Variants in ADARB1 observed in about 807,000 individuals in gnomAD.
ADARB1 encodes the protein double-stranded RNA-specific editase 1.
In ADARB1, 10 loss-of-function variants were observed where a neutral mutation model predicts 52.4. That is an observed-to-expected ratio of 0.19 (90% confidence interval 0.12 to 0.32). ADARB1 has a LOEUF of 0.32. Among genes scored for constraint, ADARB1 ranks in the 10% least tolerant of loss-of-function variants. The pLI, the probability that ADARB1 is intolerant of heterozygous loss-of-function variation, is 1.00. For missense variants in ADARB1, 643 were observed against 922.3 expected (o/e 0.70, Z 3.92); for synonymous variants, 349 against 371.1 (o/e 0.94, Z 0.68).
intron 7 of ADARB1, chr21:45,184,558 CT>C: frequency 2.8e-6 from 1 of 363,634 alleles, no homozygotes. Flanking sequence ...TTAAGCGATC[CT>C]TCCACCTCAA....
At chr21:45,133,900 G>A (rs1406957854) in intron 2 of ADARB1, among the ~76,000 whole-genome samples, 4 of 111,186 alleles carry the variant, frequency 3.6e-5, no homozygotes, top group South Asian at 3.2e-4. Flanking sequence ...TGCGCCCGAC[G>A]GGGGTGTGTG....
At chr21:45,182,940 A>C (rs571847281) in intron 6 of ADARB1, among the ~76,000 whole-genome samples, 187 bp downstream of exon 6, 3 of 152,252 alleles carry the variant, frequency 2.0e-5, no homozygotes, top group Non-Finnish European at 4.4e-5. Context: ...GCACACATAC[A>C]TACAATAACA....
At chr21:45,158,748 A>G (rs916848282) in intron 2 of ADARB1, among the ~76,000 whole-genome samples, 1 of 152,174 alleles carries the variant, frequency 6.6e-6, no homozygotes, top group African/African-American at 2.4e-5. Flanking sequence ...GGCCAACTGC[A>G]CAGGCTGTCT....
At chr21:45,124,775 GTGTGTGTGTGTA>G (rs1375314198) in intron 1 of ADARB1, among the ~76,000 whole-genome samples, 10 of 127,454 alleles carry the variant, frequency 7.8e-5, no homozygotes, top group East Asian at 2.1e-4. Flanking sequence ...TGGTGTGTGT[GTGTGTGTGTGTA>G]TGTGTGTGTG....
At chr21:45,153,583 C>T (rs577380924) in intron 2 of ADARB1, among the ~76,000 whole-genome samples, 30 of 152,264 alleles carry the variant, frequency 2.0e-4, no homozygotes, top group African/African-American at 6.3e-4. Flanking sequence ...AAATTAACCT[C>T]GGTTTTTTGG....
At chr21:45,079,782 G>A (rs1227443695) in intron 1 of ADARB1, among the ~76,000 whole-genome samples, 3 of 152,204 alleles carry the variant, frequency 2.0e-5, no homozygotes, top group Non-Finnish European at 4.4e-5. Context: ...AGAGAAAGGT[G>A]AATATGGATG....
At chr21:45,118,806 C>T (rs979168326) in intron 1 of ADARB1, among the ~76,000 whole-genome samples, 5 of 152,176 alleles carry the variant, frequency 3.3e-5, no homozygotes, top group Non-Finnish European at 4.4e-5. Flanking sequence ...GGAATAAAAG[C>T]GTTCCCTATG....
chr21:45,095,251 C>CCCA (rs1317277138), intron 1 of ADARB1, among the ~76,000 whole-genome samples: 1 of 152,212 alleles, frequency 6.6e-6, no homozygotes, highest in African/African-American at 2.4e-5. Context: ...CCTACCTGCC[C>CCCA]CCAGCCCAGG....
rs1006561111 is a variant in ADARB1 at position 45,222,728 on chromosome 21, G to A, written c.*531G>A. On this transcript the variant is annotated 3_prime_UTR_variant, in exon 11 of 11. Coordinates refer to ENST00000348831, the MANE Select transcript of ADARB1 (RefSeq NM_001112.4). ...AGTAGCCTAAAGGAAATCGCCACACGTCTGTCTAAACTTAGGTCTCTTTTC... is the reference window on the plus strand; with the variant it reads ...AGTAGCCTAAAGGAAATCGCCACACATCTGTCTAAACTTAGGTCTCTTTTC... 5.2e-5 allele frequency: 51 copies of A among 986,000 alleles called. No homozygotes were observed. The highest frequency in any genetic ancestry group is 5.8e-5 in the Non-Finnish European group (48 of 830,450). The allele number at this position is 986,000 out of a possible 1,614,324, so 61.1% of individuals were successfully genotyped here. A position where few individuals can be genotyped will look rare whatever the true frequency, so the allele number is the denominator to read the frequency against.
At chr21:45,182,779 A>T (rs764200537) in intron 6 of ADARB1, 26 bp downstream of exon 6, 50 of 1,536,418 alleles carry the variant, frequency 3.3e-5, no homozygotes, top group Non-Finnish European at 4.1e-5. Context: ...AAATAAGGAC[A>T]GGAAGCTCTT....
At chr21:45,097,421 A>G (rs903473286) in intron 1 of ADARB1, among the ~76,000 whole-genome samples, 10 of 151,796 alleles carry the variant, frequency 6.6e-5, no homozygotes, top group Non-Finnish European at 1.3e-4. Flanking sequence ...GGCGTTGGCC[A>G]TGGTAGAGAA....
At chr21:45,149,927 C>T (rs2090198381) in intron 2 of ADARB1, among the ~76,000 whole-genome samples, 1 of 152,202 alleles carries the variant, frequency 6.6e-6, no homozygotes, top group South Asian at 2.1e-4. Context: ...GTCTAAAGTA[C>T]TTACTCTTTG....
At position 45,182,753 on chromosome 21, in the gene ADARB1, A is replaced by G; in HGVS notation, c.1247A>G (p.Asn416Ser). The change falls in exon 6 of 11, where the codon AAT becomes AGT. Residue 416 changes from asparagine to serine, a missense_variant and splice_region_variant. By Grantham distance (46) the Asn-to-Ser change is conservative. Around this residue, in one of 2 missense-constraint regions of ADARB1, gnomAD observed 263 missense variants for 475.8 expected, o/e 0.55. Transcript: ENST00000348831. Reference sequence around the variant, plus strand: ...TATACACAACTTGAGCTTTACTTAAAGTAAGTTTAGTAAACAAATAAGGAC... The same window carrying G: ...TATACACAACTTGAGCTTTACTTAAGGTAAGTTTAGTAAACAAATAAGGAC... The part of the protein sequence containing the change: ...FLYTQLELYL[N>S]NKDDQKRSIF... The G allele has an allele frequency of 6.4e-7, 1 of 1,572,648 alleles. No homozygotes were observed. Among genetic ancestry groups the G allele is most frequent in the South Asian group, 1.2e-5 (1 of 84,950 alleles).
chr21:45,210,620 G>A (rs78081949), intron 9 of ADARB1, among the ~76,000 whole-genome samples: 4,907 of 152,300 alleles, frequency 0.032, 109 homozygotes, highest in Middle Eastern at 0.048. Context: ...CCTGTGGGCC[G>A]GGCCTGCCGT....
At position 45,193,985 on chromosome 21, in the gene ADARB1, A is replaced by G. The variant is rs531506325; in HGVS notation, c.1565+8894A>G. On this transcript the variant is annotated intron_variant, in intron 8 of 10. Transcript: ENST00000348831. ...GAGAAATTGACAAACTGATTCCAAA[A>G]TCCATATGGAAATGCAAAGGACATA... Among the ~76,000 whole-genome samples the G allele has an allele frequency of 2.6e-5, 4 of 152,356 alleles. No individual in the cohort carries two copies. The South Asian group carries it at 8.3e-4, about 32-fold the overall frequency.
At position 45,157,353 on chromosome 21, in the gene ADARB1, CT is replaced by C. The variant is rs141533867; in HGVS notation, c.-47-14249del. 0.02 allele frequency among the ~76,000 whole-genome samples: 3,037 copies of C among 152,190 alleles called. 102 individuals carry two copies. The highest frequency in any genetic ancestry group is 0.069 in the African/African-American group (2,862 of 41,508). Reference sequence around the variant, plus strand: ...TTGAAAATAAAGTTTACATCGTTGTCTTTTTTTTCCCTTTGATTCCAGAAAA... The same window carrying C: ...TTGAAAATAAAGTTTACATCGTTGTCTTTTTTTCCCTTTGATTCCAGAAAA... On this transcript the variant is annotated intron_variant, in intron 2 of 10. Coordinates refer to ENST00000348831, the MANE Select transcript of ADARB1 (RefSeq NM_001112.4). The surrounding 1 kb of genome is among the most constrained non-coding windows in gnomAD (Gnocchi z 4.1).
rs953344402 is a variant in ADARB1 at position 45,141,698 on chromosome 21, CT to C, written c.-48+13126del. Among the ~76,000 whole-genome samples, 12 of 151,794 alleles carry C rather than the reference CT, an allele frequency of 7.9e-5. 1 individual carries two copies. Among genetic ancestry groups the C allele is most frequent in the African/African-American group, 2.9e-4 (12 of 41,316 alleles). On this transcript the variant is annotated intron_variant, in intron 2 of 10. Transcript: ENST00000348831. ...CCTCCCTGGGTCGCCTTAGCCACCCCTGGGCCATGTTAGCCACCACAGGATC... is the reference window on the plus strand; with the variant it reads ...CCTCCCTGGGTCGCCTTAGCCACCCCGGGCCATGTTAGCCACCACAGGATC...
At chr21:45,174,147 G>A (rs1390012082) in intron 3 of ADARB1, among the ~76,000 whole-genome samples, 1 of 152,176 alleles carries the variant, frequency 6.6e-6, no homozygotes, top group Admixed American at 6.5e-5. Context: ...ACATGTAGTA[G>A]AAATAGACCC....
intron 5 of ADARB1, among the ~76,000 whole-genome samples, chr21:45,181,812 C>T (rs1056331515): frequency 1.3e-5 from 2 of 152,214 alleles, no homozygotes; most frequent in Non-Finnish European, 1.5e-5. Flanking sequence ...GCCTCTGTGC[C>T]TCAGTTCCCT....
Sources: allele counts gnomAD v4.1 joint callset (sites outside exome capture counted in the v4.1 genomes callset), GRCh38; gene constraint gnomAD v4.1.1; regional missense constraint gnomAD v4.1.1; non-coding constraint Gnocchi (gnomAD v3.1); transcripts MANE v1.5; gene names NCBI Gene and HGNC (gene_info 2026-07-23, HGNC 2026-07-21).